The following SYT2 variants were observed in gnomAD, a reference collection of about 807,000 sequenced individuals.
SYT2 encodes synaptotagmin 2, also known as synaptotagmin-2.
Under a neutral mutation model 39.9 loss-of-function variants are expected in SYT2, and 15 were observed. The ratio of observed to expected loss-of-function variants is 0.38; its 90% CI spans 0.25 to 0.58. SYT2 has a LOEUF of 0.58. SYT2 is among the 20% of genes least tolerant of loss of function. The pLI is 0.70. For synonymous variants in SYT2, 181 were observed against 204.5 expected, an observed-to-expected ratio of 0.89 and a Z score of 0.98; for missense variants, 389 against 530.3, an observed-to-expected ratio of 0.73 and a Z score of 2.62.
chr1:202,704,996 G>A (rs1234701564), intron 1 of SYT2, among the ~76,000 whole-genome samples: 1 of 152,246 alleles, frequency 6.6e-6, no homozygotes, highest in East Asian at 1.9e-4. Flanking sequence ...GCTGCTGCCT[G>A]ATTTAAATCA....
Position 202,599,208 on chromosome 1 carries a change from G to A in SYT2, c.1053+10C>T. ...CCTGCTCCATGCCTAGGAACCCAGG[G>A]CTCCAGCACCTGAATCTGCTCGAAG... is the stretch of plus-strand genomic sequence containing the variant. On this transcript the variant is annotated intron_variant, in intron 8 of 8. Transcript: ENST00000367268. The surrounding 1 kb of genome is among the most constrained non-coding windows in gnomAD (Gnocchi z 4.4). The A allele has an allele frequency of 6.2e-7, 1 of 1,612,824 alleles. No homozygotes were observed. Among genetic ancestry groups the A allele is most frequent in the South Asian group, 1.1e-5 (1 of 90,836 alleles).
intron 1 of SYT2, among the ~76,000 whole-genome samples, chr1:202,606,818 C>A (rs2149073259): frequency 6.6e-6 from 1 of 152,210 alleles, no homozygotes; most frequent in East Asian, 1.9e-4. Flanking sequence ...CCAAAGTCAA[C>A]TAGCATTTGG....
At position 202,613,699 on chromosome 1, in the gene SYT2, G is replaced by C. The variant is rs560484980; in HGVS notation, c.-17-7910C>G. Among the ~76,000 whole-genome samples the C allele has an allele frequency of 7.9e-5, 12 of 152,202 alleles. No individual in the cohort carries two copies. In the Middle Eastern group the frequency reaches 0.01, roughly 129 times the overall value. ...TCCATTCTACCCTTGCCGCTGGATTGGCAGTCCTCCTCCCCTTTCTGCAGA... is the reference window on the plus strand; with the variant it reads ...TCCATTCTACCCTTGCCGCTGGATTCGCAGTCCTCCTCCCCTTTCTGCAGA... On this transcript the variant is annotated intron_variant, in intron 1 of 8. Transcript: ENST00000367268.
intron 1 of SYT2, among the ~76,000 whole-genome samples, chr1:202,650,435 C>CTTTTTTTT (rs68013997): frequency 1.4e-5 from 2 of 143,264 alleles, no homozygotes; most frequent in Non-Finnish European, 3.0e-5. Flanking sequence ...GTTTCATATG[C>CTTTTTTTT]TTTTGTTTTT....
intron 1 of SYT2, among the ~76,000 whole-genome samples, chr1:202,626,987 G>T (rs1271499405): frequency 2.0e-5 from 3 of 152,196 alleles, no homozygotes; most frequent in Non-Finnish European, 4.4e-5. Context: ...TCTCAGCGGG[G>T]CTAGGCTGAG....
At chr1:202,605,445 G>A (rs1033839709) in intron 2 of SYT2, 150 bp downstream of exon 2, 12 of 605,478 alleles carry the variant, frequency 2.0e-5, no homozygotes, top group African/African-American at 1.1e-4. Context: ...CCCCCTCCCC[G>A]ATTCCTGCAG....
chr1:202,629,208 T>C (rs1265416188), intron 1 of SYT2, among the ~76,000 whole-genome samples: 1 of 152,210 alleles, frequency 6.6e-6, no homozygotes, highest in African/African-American at 2.4e-5. Context: ...GTCCTCCTTC[T>C]ACCCATGCCT....
In SYT2 at chr1:202,649,000, G is replaced by A. The variant is rs146687528; in HGVS notation, c.-17-43211C>T. 8.5e-5 allele frequency among the ~76,000 whole-genome samples: 13 copies of A among 152,352 alleles called. No homozygotes were observed. In the East Asian group the frequency reaches 2.3e-3, roughly 27 times the overall value. On this transcript the variant is annotated intron_variant, in intron 1 of 8. Transcript: ENST00000367268. ...TAACACTTCAAGGCCCAAGCAACCT[G>A]CTGTGAGACTCTGCCCCTCCAATGA... is the stretch of plus-strand genomic sequence containing the variant.
intron 1 of SYT2, among the ~76,000 whole-genome samples, chr1:202,620,281 G>T (rs1691168546): frequency 6.6e-6 from 1 of 152,214 alleles, no homozygotes; most frequent in South Asian, 2.1e-4. Context: ...TGGGAGCAAT[G>T]GGTCCAGGAG....
intron 1 of SYT2, among the ~76,000 whole-genome samples, chr1:202,706,554 A>G (rs1654256654): frequency 6.6e-6 from 1 of 152,196 alleles, no homozygotes; most frequent in Non-Finnish European, 1.5e-5. Flanking sequence ...TAAAAAACAG[A>G]GTGTGATTGA....
intron 1 of SYT2, among the ~76,000 whole-genome samples, chr1:202,695,466 C>T (rs529701706): frequency 1.3e-5 from 2 of 152,270 alleles, no homozygotes; most frequent in South Asian, 2.1e-4. Context: ...CCAGCCTCCC[C>T]GGCTCCCGCA....
Position 202,678,299 on chromosome 1 carries a change from A to C in SYT2, c.-18+31959T>G, listed in dbSNP as rs531550295. Among the ~76,000 whole-genome samples, 107 of 151,376 alleles carry C rather than the reference A, an allele frequency of 7.1e-4. 1 individual carries two copies. The East Asian group carries it at 0.011, about 16-fold the overall frequency. Reference sequence around the variant, plus strand: ...AAAAAAAAAAAAAAAAAAAAAAAAAAAACTAATAAAATAAAATGGATGCTT... The same window carrying C: ...AAAAAAAAAAAAAAAAAAAAAAAAACAACTAATAAAATAAAATGGATGCTT... On this transcript the variant is annotated intron_variant, in intron 1 of 8. Transcript: ENST00000367268.
chr1:202,626,237 G>A (rs1409279059), intron 1 of SYT2, among the ~76,000 whole-genome samples: 1 of 151,980 alleles, frequency 6.6e-6, no homozygotes, highest in Non-Finnish European at 1.5e-5. Flanking sequence ...AGGGTCACCA[G>A]CCCCCACCCT....
intron 1 of SYT2, among the ~76,000 whole-genome samples, chr1:202,664,712 T>A (rs1160523471): frequency 1.3e-5 from 2 of 152,230 alleles, no homozygotes; most frequent in Non-Finnish European, 2.9e-5. Context: ...CAGGCTGAAG[T>A]GCAATGGCGC....
chr1:202,606,887 A>G (rs904473871), intron 1 of SYT2, among the ~76,000 whole-genome samples: 8 of 152,048 alleles, frequency 5.3e-5, no homozygotes, highest in Admixed American at 3.3e-4. Flanking sequence ...CATACTATGT[A>G]TAGTTTTTTT....
At chr1:202,669,136 G>A (rs751958624) in intron 1 of SYT2, among the ~76,000 whole-genome samples, 14 of 152,322 alleles carry the variant, frequency 9.2e-5, no homozygotes, top group South Asian at 2.1e-4. Flanking sequence ...GAGATACTGT[G>A]AGTCACATAA....
chr1:202,601,483 G>A lies in SYT2; in HGVS notation c.801+407C>T, dbSNP rs938466373. ...AATGGATGCTGTAGCAGTTCTGGGA[G>A]GACAAGTCCCTTTGCTGAGTATCCT... On this transcript the variant is annotated intron_variant, in intron 6 of 8. Coordinates refer to ENST00000367268, the MANE Select transcript of SYT2 (RefSeq NM_177402.5). The surrounding 1 kb of genome is among the most constrained non-coding windows in gnomAD (Gnocchi z 4.0). Among the ~76,000 whole-genome samples the A allele has an allele frequency of 6.6e-6, 1 of 152,234 alleles. No homozygotes were observed. The highest frequency in any genetic ancestry group is 1.5e-5 in the Non-Finnish European group (1 of 68,040).
In SYT2 at chr1:202,593,202, T is replaced by TCC. The variant is rs1690185621; in HGVS notation, c.*3554_*3555insGG. ...GAGGGGACACCCTCAGGGACAGTTT[T>TCC]TCTCTCTGTGAGGCTGGGTGAGACC... On this transcript the variant is annotated 3_prime_UTR_variant, in exon 9 of 9. Coordinates refer to ENST00000367268, the MANE Select transcript of SYT2 (RefSeq NM_177402.5). 6.6e-6 allele frequency: 1 copy of TCC among 152,300 alleles called. No individual in the cohort carries two copies. The highest frequency in any genetic ancestry group is 1.5e-5 in the Non-Finnish European group (1 of 68,112). The allele number at this position is 152,300 out of a possible 1,614,324, so 9.4% of individuals were successfully genotyped here.
At chr1:202,687,816 C>T (rs557137196) in intron 1 of SYT2, among the ~76,000 whole-genome samples, 1 of 152,222 alleles carries the variant, frequency 6.6e-6, no homozygotes, top group African/African-American at 2.4e-5. Flanking sequence ...GTTAATTTTT[C>T]CCTTTGGGAA....
Sources: allele counts gnomAD v4.1 joint callset (sites outside exome capture counted in the v4.1 genomes callset), GRCh38; gene constraint gnomAD v4.1.1; non-coding constraint Gnocchi (gnomAD v3.1); transcripts MANE v1.5; gene names NCBI Gene and HGNC (gene_info 2026-07-23, HGNC 2026-07-21).